The following GABBR2 variants were observed in gnomAD, a reference collection of about 807,000 sequenced individuals.
GABBR2 encodes gamma-aminobutyric acid type B receptor subunit 2.
In GABBR2, 23 loss-of-function variants were observed where a neutral mutation model predicts 105.6. The ratio of observed to expected loss-of-function variants is 0.22; its 90% CI spans 0.16 to 0.31. GABBR2 has a LOEUF of 0.31. GABBR2 is among the 10% of genes least tolerant of loss of function. GABBR2 has a pLI of 1.00. For synonymous variants in GABBR2, 478 were observed against 499.7 expected (o/e 0.96, Z 0.58); for missense variants, 734 against 1,245.5 (o/e 0.59, Z 6.18).
rs75618811 is a variant in GABBR2 at position 98,383,737 on chromosome 9, A to G, written c.1662+1903T>C. Among the ~76,000 whole-genome samples the G allele has an allele frequency of 0.011, 1,601 of 152,326 alleles. 47 individuals are homozygous for G. The East Asian group carries it at 0.13, about 12-fold the overall frequency. ...GAACAATTTCTCGATGATGTGTAAC[A>G]GTCAGTCCAGTTTAATCATTCGCAG... On this transcript the variant is annotated intron_variant, in intron 11 of 18. Transcript: ENST00000259455.
At chr9:98,505,457 T>TGTGTGTGTGTGTGC (rs57918974) in intron 3 of GABBR2, among the ~76,000 whole-genome samples, 6 of 149,302 alleles carry the variant, frequency 4.0e-5, no homozygotes, top group African/African-American at 1.5e-4. Context: ...TGTGTGTGTG[T>TGTGTGTGTGTGTGC]GCATGTGCGT....
intron 1 of GABBR2, among the ~76,000 whole-genome samples, chr9:98,668,709 C>T (rs1337758249): frequency 6.6e-6 from 1 of 152,162 alleles, no homozygotes; most frequent in Non-Finnish European, 1.5e-5. Flanking sequence ...CTAACAACCA[C>T]CATTCTATTT....
intron 1 of GABBR2, among the ~76,000 whole-genome samples, chr9:98,603,747 T>C (rs1294782657): frequency 6.6e-6 from 1 of 152,098 alleles, no homozygotes; most frequent in Non-Finnish European, 1.5e-5. Flanking sequence ...GGCCCAAAGC[T>C]GATTAATTTT....
chr9:98,291,673 C>T (rs1376388308), intron 18 of GABBR2, among the ~76,000 whole-genome samples: 1 of 152,198 alleles, frequency 6.6e-6, no homozygotes, highest in Non-Finnish European at 1.5e-5. Context: ...GTGAATCTTC[C>T]ATCCTTTCCA....
intron 1 of GABBR2, among the ~76,000 whole-genome samples, chr9:98,688,015 A>G (rs2131876067): frequency 6.6e-6 from 1 of 152,284 alleles, no homozygotes; most frequent in East Asian, 1.9e-4. Flanking sequence ...CCAGCCTGCC[A>G]GGGTAGTCTG....
intron 1 of GABBR2, among the ~76,000 whole-genome samples, chr9:98,690,978 T>C (rs1411504741): frequency 2.6e-5 from 4 of 152,222 alleles, no homozygotes; most frequent in Admixed American, 2.6e-4. Flanking sequence ...CACAGATCAC[T>C]GCTACTCACT....
chr9:98,325,406 C>T (rs1588103075), intron 13 of GABBR2, among the ~76,000 whole-genome samples: 1 of 150,406 alleles, frequency 6.6e-6, no homozygotes, highest in South Asian at 2.1e-4. Context: ...ATTCTTCTGC[C>T]TCAGCCTCCT....
At chr9:98,594,209 G>A (rs1829193270) in intron 1 of GABBR2, among the ~76,000 whole-genome samples, 2 of 152,154 alleles carry the variant, frequency 1.3e-5, no homozygotes, top group Non-Finnish European at 2.9e-5. Context: ...CTGCTCCCAG[G>A]TCCCAGCTCC....
intron 13 of GABBR2, among the ~76,000 whole-genome samples, chr9:98,342,354 A>G (rs1441488020): frequency 6.6e-6 from 1 of 152,074 alleles, no homozygotes; most frequent in Non-Finnish European, 1.5e-5. Context: ...AGCACAAGGA[A>G]CAAGGAAGGG....
chr9:98,538,485 G>T, intron 3 of GABBR2: 4 of 328,744 alleles, frequency 1.2e-5, no homozygotes, highest in Non-Finnish European at 1.7e-5. Context: ...GCCAAAGTGG[G>T]CCTAGAGATC....
At chr9:98,304,624 C>T (rs565989350) in intron 15 of GABBR2, among the ~76,000 whole-genome samples, 21 of 152,186 alleles carry the variant, frequency 1.4e-4, no homozygotes, top group Non-Finnish European at 2.8e-4. Context: ...TGGGGGCTGA[C>T]TGCATGTCCA....
chr9:98,609,645 T>G (rs1458640306), intron 1 of GABBR2, among the ~76,000 whole-genome samples: 2 of 152,148 alleles, frequency 1.3e-5, no homozygotes, highest in Non-Finnish European at 2.9e-5. Flanking sequence ...GAGCAAGGCA[T>G]GGTTCAGGGG....
intron 1 of GABBR2, among the ~76,000 whole-genome samples, chr9:98,659,818 G>A (rs1330801988): frequency 6.6e-6 from 1 of 151,642 alleles, no homozygotes; most frequent in Admixed American, 6.6e-5. Flanking sequence ...ACCGCACCCA[G>A]CCTAAACAAC....
At chr9:98,687,234 G>T (rs337530) in intron 1 of GABBR2, among the ~76,000 whole-genome samples, 138,401 of 151,334 alleles carry the variant, frequency 0.91, 63,398 homozygotes, top group Middle Eastern at 0.96. Context: ...TACAGCCAAG[G>T]GGCAGGGTGG....
At chr9:98,612,265 G>C (rs1385107196) in intron 1 of GABBR2, among the ~76,000 whole-genome samples, 2 of 152,238 alleles carry the variant, frequency 1.3e-5, no homozygotes, top group African/African-American at 4.8e-5. Flanking sequence ...CTAGGATATG[G>C]GGGCTGGGGC....
intron 1 of GABBR2, among the ~76,000 whole-genome samples, chr9:98,652,553 G>A (rs1830122980): frequency 1.3e-5 from 2 of 152,116 alleles, no homozygotes; most frequent in South Asian, 4.1e-4. Context: ...CCAGCTCCCA[G>A]CCTCCTCATG....
intron 1 of GABBR2, among the ~76,000 whole-genome samples, chr9:98,592,407 C>T (rs756113165): frequency 8.5e-5 from 13 of 152,168 alleles, no homozygotes; most frequent in Non-Finnish European, 1.5e-4. Context: ...ATTCTTTTTA[C>T]GCATTAGCCC....
chr9:98,337,317 A>T (rs1237607009), intron 13 of GABBR2, among the ~76,000 whole-genome samples: 1 of 152,208 alleles, frequency 6.6e-6, no homozygotes, highest in African/African-American at 2.4e-5. Flanking sequence ...AAGAAAAAAA[A>T]ATTGCTGAAA....
At chr9:98,383,536 T>A (rs1287846818) in intron 11 of GABBR2, among the ~76,000 whole-genome samples, 1 of 152,202 alleles carries the variant, frequency 6.6e-6, no homozygotes, top group African/African-American at 2.4e-5. Flanking sequence ...TTGACAGTCA[T>A]GCAGGTCCCT....
Sources: allele counts gnomAD v4.1 joint callset (sites outside exome capture counted in the v4.1 genomes callset), GRCh38; gene constraint gnomAD v4.1.1; transcripts MANE v1.5; gene names NCBI Gene and HGNC (gene_info 2026-07-23, HGNC 2026-07-21).